Variants in RAP1B observed in about 807,000 individuals in gnomAD.
The protein encoded by RAP1B is RAP1B, member of RAS oncogene family.
RAP1B carries 1 observed loss-of-function variant against 27.5 expected under a neutral mutation model. The observed-to-expected ratio is 0.04, with a 90% CI of 0.01 to 0.17. RAP1B has a LOEUF of 0.17. RAP1B is among the 10% of genes least tolerant of loss of function. The pLI, the probability that RAP1B is intolerant of heterozygous loss-of-function variation, is 1.00. For synonymous variants in RAP1B, 75 were observed against 73.1 expected, an observed-to-expected ratio of 1.03 and a Z score of -0.13; for missense variants, 84 against 214.8, an observed-to-expected ratio of 0.39 and a Z score of 3.81.
At chr12:68,656,267 TTTAC>T in intron 5 of RAP1B, 35 bp from the exon 6 acceptor site, 1 of 1,537,460 alleles carries the variant, frequency 6.5e-7, no homozygotes, top group African/African-American at 1.4e-5. Context: ...ATATAGCATA[TTTAC>T]TTATTTATTT....
chr12:68,656,199 G>A lies in RAP1B; in HGVS notation c.325-107G>A. ...TATTATACATTATTTAATATTTTTT[G>A]TGGCATATGAAAAGTAATTCTTAGA... On this transcript the variant is annotated intron_variant, in intron 5 of 7. Coordinates refer to ENST00000250559, the MANE Select transcript of RAP1B (RefSeq NM_001010942.3). The A allele has an allele frequency of 1.3e-5, 12 of 932,630 alleles. No individual in the cohort carries two copies. In the South Asian group the frequency reaches 1.9e-4, roughly 15 times the overall value. The allele number at this position is 932,630 out of a possible 1,614,324, so 57.8% of individuals were successfully genotyped here.
At chr12:68,651,653 G>T (rs974265661) in intron 3 of RAP1B, 2 of 236,722 alleles carry the variant, frequency 8.4e-6, no homozygotes, top group Admixed American at 4.9e-5. Context: ...TTATGATACT[G>T]TTGGAACTGT....
intron 1 of RAP1B, among the ~76,000 whole-genome samples, chr12:68,630,786 C>T (rs1240285205): frequency 6.6e-6 from 1 of 152,034 alleles, no homozygotes; most frequent in Non-Finnish European, 1.5e-5. Flanking sequence ...TCAGGTGATC[C>T]TTTCACCTCC....
intron 1 of RAP1B, among the ~76,000 whole-genome samples, chr12:68,612,686 C>A (rs1870690588): frequency 6.6e-6 from 1 of 152,232 alleles, no homozygotes; most frequent in African/African-American, 2.4e-5. Context: ...TGAGTAGTTT[C>A]ATCCTCAGGT....
rs142174644 is a variant in RAP1B at position 68,616,438 on chromosome 12, ATTTTTTTTT to A, written c.-27+5413_-27+5421del. Among the ~76,000 whole-genome samples, 14 of 89,468 alleles carry A rather than the reference ATTTTTTTTT, an allele frequency of 1.6e-4. No individual in the cohort carries two copies. In the East Asian group the frequency reaches 2.1e-3, roughly 14 times the overall value. 58.7% of individuals were successfully genotyped at this position (89,468 alleles called of 152,430 possible). On this transcript the variant is annotated intron_variant, in intron 1 of 7. Coordinates refer to ENST00000250559, the MANE Select transcript of RAP1B (RefSeq NM_001010942.3). ...TAGCTGGGAATACTGTGCCTGGCTA[ATTTTTTTTT>A]TTTTTTTTTTTTTTTTTGAGACGGA...
At chr12:68,648,866 TTAAGA>T in intron 2 of RAP1B, 85 bp downstream of exon 2, 1 of 1,267,102 alleles carries the variant, frequency 7.9e-7, no homozygotes, top group South Asian at 1.4e-5. Flanking sequence ...TTTGTCTTTG[TTAAGA>T]TAAAATTCCT....
intron 1 of RAP1B, among the ~76,000 whole-genome samples, chr12:68,639,269 A>G (rs935783898): frequency 2.0e-5 from 3 of 152,200 alleles, no homozygotes; most frequent in African/African-American, 4.8e-5. Flanking sequence ...TGGCTGATGT[A>G]AGTCATCTGA....
At chr12:68,655,897 G>A (rs1032152979) in intron 5 of RAP1B, among the ~76,000 whole-genome samples, 13 of 152,088 alleles carry the variant, frequency 8.5e-5, no homozygotes, top group African/African-American at 2.7e-4. Flanking sequence ...GGAGCCTTCC[G>A]TCCATTATGA....
At chr12:68,657,781 C>T (rs559835704) in intron 7 of RAP1B, 118 of 154,638 alleles carry the variant, frequency 7.6e-4, no homozygotes, top group African/African-American at 2.7e-3. Flanking sequence ...CACGTGCGCG[C>T]GTGCGCGTGA....
At position 68,660,989 on chromosome 12, in the gene RAP1B, A is replaced by G. The variant is rs1016754186; in HGVS notation, c.*1740A>G. 1 of 152,210 alleles carries G rather than the reference A, an allele frequency of 6.6e-6. No homozygotes were observed. Among genetic ancestry groups the G allele is most frequent in the African/African-American group, 2.4e-5 (1 of 41,446 alleles). 9.4% of individuals were successfully genotyped at this position (152,210 alleles called of 1,614,324 possible). A position where few individuals can be genotyped will look rare whatever the true frequency, so the allele number is the denominator to read the frequency against. On this transcript the variant is annotated 3_prime_UTR_variant, in exon 8 of 8. Coordinates refer to ENST00000250559, the MANE Select transcript of RAP1B (RefSeq NM_001010942.3). ...TAAATATGCTATAATTGAATTCTGTAAGAACTGAATTCTTATAGAATTATT... is the reference window on the plus strand; with the variant it reads ...TAAATATGCTATAATTGAATTCTGTGAGAACTGAATTCTTATAGAATTATT...
chr12:68,628,747 A>G (rs774114663), intron 1 of RAP1B, among the ~76,000 whole-genome samples: 19 of 152,328 alleles, frequency 1.2e-4, no homozygotes, highest in Non-Finnish European at 2.6e-4. Context: ...CCAAAAGTGT[A>G]GAAAGAGTTT....
chr12:68,627,219 AC>A, intron 1 of RAP1B: 1 of 1,460,224 alleles, frequency 6.8e-7, no homozygotes. Context: ...AGAAACATGA[AC>A]ATCCATCTGA....
At position 68,663,114 on chromosome 12, in the gene RAP1B, C is replaced by CG. The variant is rs1358620713; in HGVS notation, c.*3866dup. On this transcript the variant is annotated 3_prime_UTR_variant, in exon 8 of 8. Coordinates refer to ENST00000250559, the MANE Select transcript of RAP1B (RefSeq NM_001010942.3). The stretch of plus-strand genomic sequence containing the variant: ...GTTTCGCTCTTGTTGCCCAGGCTGG[C>CG]GTACAGTGGTGCGATCTTGGCTCAC... 4 of 149,756 alleles carry CG rather than the reference C, an allele frequency of 2.7e-5. No homozygotes were observed. The highest frequency in any genetic ancestry group is 9.9e-5 in the African/African-American group (4 of 40,512). 9.3% of individuals were successfully genotyped at this position (149,756 alleles called of 1,614,324 possible). A position where few individuals can be genotyped will look rare whatever the true frequency, so the allele number is the denominator to read the frequency against.
chr12:68,647,521 G>A (rs1466962906), intron 1 of RAP1B, among the ~76,000 whole-genome samples: 1 of 150,744 alleles, frequency 6.6e-6, no homozygotes, highest in Non-Finnish European at 1.5e-5. Flanking sequence ...ACATCTGGCC[G>A]AGTTCTTGAT....
rs1874267770 is a variant in RAP1B at position 68,657,192 on chromosome 12, C to T, written c.*5C>T. ...TCATCATGTCAGCTGCTTTAATATACTAAATGCATTGTAGCTCTGAGCCAG... is the reference window on the plus strand; with the variant it reads ...TCATCATGTCAGCTGCTTTAATATATTAAATGCATTGTAGCTCTGAGCCAG... On this transcript the variant is annotated 3_prime_UTR_variant, in exon 7 of 8. Transcript: ENST00000250559. 2 of 1,599,652 alleles carry T rather than the reference C, an allele frequency of 1.3e-6. No individual in the cohort carries two copies. Among genetic ancestry groups the T allele is most frequent in the African/African-American group, 2.7e-5 (2 of 74,580 alleles).
At chr12:68,627,004 ACTT>A (rs1592431225) in intron 1 of RAP1B, 1 of 1,565,070 alleles carries the variant, frequency 6.4e-7, no homozygotes, top group East Asian at 2.2e-5. Flanking sequence ...GTGAAGCCCC[ACTT>A]CTTTGAGATG....
intron 1 of RAP1B, among the ~76,000 whole-genome samples, chr12:68,614,410 T>C (rs762612158): frequency 6.6e-6 from 1 of 152,040 alleles, no homozygotes; most frequent in Non-Finnish European, 1.5e-5. Context: ...AAAGAGGAGG[T>C]TGGGTATTGA....
chr12:68,647,724 G>T (rs959488930), intron 1 of RAP1B, among the ~76,000 whole-genome samples: 3 of 152,084 alleles, frequency 2.0e-5, no homozygotes, highest in African/African-American at 7.2e-5. Flanking sequence ...GAAGACAGTT[G>T]TTGATTGGTT....
intron 1 of RAP1B, among the ~76,000 whole-genome samples, chr12:68,639,992 C>T (rs1379708514): frequency 1.3e-5 from 2 of 152,080 alleles, no homozygotes; most frequent in African/African-American, 4.8e-5. Flanking sequence ...AGGCATGCAC[C>T]ACCACAACCG....
Sources: gnomAD v4.1 joint callset for allele counts (sites outside exome capture counted in the v4.1 genomes callset) on GRCh38, gnomAD v4.1.1 for gene constraint, MANE v1.5 for transcripts, NCBI Gene and HGNC (gene_info 2026-07-23, HGNC 2026-07-21) for gene names.